The following LRRC4C variants were observed in gnomAD, a reference collection of about 807,000 sequenced individuals.
The protein encoded by LRRC4C is leucine-rich repeat-containing protein 4C.
Under a neutral mutation model 33.6 loss-of-function variants are expected in LRRC4C, and 5 were observed. That is an observed-to-expected ratio of 0.15 (90% confidence interval 0.08 to 0.31). The LOEUF (loss-of-function observed/expected upper bound fraction) is 0.31, where lower values mean the gene tolerates loss of function less well. Among genes scored for constraint, LRRC4C ranks in the 10% least tolerant of loss-of-function variants. The pLI is 1.00. For missense variants in LRRC4C, 560 were observed against 796.7 expected, an observed-to-expected ratio of 0.70 and a Z score of 3.58; for synonymous variants, 329 against 302.0, an observed-to-expected ratio of 1.09 and a Z score of -0.93.
chr11:40,382,371 T>C (rs1192525604), intron 3 of LRRC4C, among the ~76,000 whole-genome samples: 6 of 151,696 alleles, frequency 4.0e-5, no homozygotes, highest in Non-Finnish European at 7.4e-5. Flanking sequence ...AGTCACTTTA[T>C]TGAGGTATAA....
chr11:40,429,218 C>G (rs1330608239), intron 3 of LRRC4C, among the ~76,000 whole-genome samples: 1 of 152,152 alleles, frequency 6.6e-6, no homozygotes, highest in Non-Finnish European at 1.5e-5. Context: ...GGATTACAGG[C>G]ATCTGCCACC....
At chr11:40,498,565 C>T (rs1954586818) in intron 3 of LRRC4C, among the ~76,000 whole-genome samples, 1 of 152,068 alleles carries the variant, frequency 6.6e-6, no homozygotes, top group African/African-American at 2.4e-5. Context: ...CATCTTAGGT[C>T]GATAGCCTTG....
chr11:40,676,263 T>C (rs1944394257), intron 2 of LRRC4C, among the ~76,000 whole-genome samples: 2 of 152,192 alleles, frequency 1.3e-5, no homozygotes, highest in African/African-American at 4.8e-5. Context: ...GATGTGTTTC[T>C]GTAGTTTCTT....
At chr11:40,963,355 A>G (rs568502498) in intron 1 of LRRC4C, among the ~76,000 whole-genome samples, 3 of 151,888 alleles carry the variant, frequency 2.0e-5, no homozygotes, top group Admixed American at 2.0e-4. Flanking sequence ...GGCTACACAT[A>G]TGAACTTAAT....
chr11:40,277,637 T>C (rs1476938620), intron 4 of LRRC4C, among the ~76,000 whole-genome samples: 2 of 152,114 alleles, frequency 1.3e-5, no homozygotes, highest in Non-Finnish European at 2.9e-5. Flanking sequence ...ATAAAACCAC[T>C]GGCTTGACCA....
At chr11:40,322,198 G>A (rs991701495) in intron 3 of LRRC4C, among the ~76,000 whole-genome samples, 2 of 152,120 alleles carry the variant, frequency 1.3e-5, no homozygotes, top group African/African-American at 4.8e-5. Context: ...CTCAATGGTA[G>A]CACTGAATCC....
chr11:41,456,465 C>T (rs1956174568), intron 1 of LRRC4C, among the ~76,000 whole-genome samples: 1 of 151,770 alleles, frequency 6.6e-6, no homozygotes, highest in Admixed American at 6.6e-5. Flanking sequence ...GTGTTAAGTA[C>T]CCTGGGTCTT....
chr11:40,537,785 A>T (rs1439008411), intron 3 of LRRC4C, among the ~76,000 whole-genome samples: 1 of 152,280 alleles, frequency 6.6e-6, no homozygotes, highest in African/African-American at 2.4e-5. Context: ...AAGGAAAGAA[A>T]AAAGGAAAGC....
intron 1 of LRRC4C, among the ~76,000 whole-genome samples, chr11:41,439,655 T>A (rs1400286142): frequency 6.6e-6 from 1 of 152,210 alleles, no homozygotes; most frequent in Non-Finnish European, 1.5e-5. Flanking sequence ...CATTTTTTCA[T>A]ATGTCTGTTA....
At chr11:40,984,419 AAGAAAGAAAGAGAAAAAG>A (rs1565271161) in intron 1 of LRRC4C, among the ~76,000 whole-genome samples, 14 of 116,542 alleles carry the variant, frequency 1.2e-4, no homozygotes, top group South Asian at 7.8e-4. Flanking sequence ...AAGAAAGAGA[AAGAAAGAAAGAGAAAAAG>A]AAAGAAAGAA....
intron 6 of LRRC4C, among the ~76,000 whole-genome samples, chr11:40,122,980 CACACACAT>C (rs755582028): frequency 0.067 from 9,755 of 145,092 alleles, 424 homozygotes; most frequent in Non-Finnish European, 0.09. Context: ...CACACACACA[CACACACAT>C]ATATACTATT....
intron 2 of LRRC4C, among the ~76,000 whole-genome samples, chr11:40,822,768 C>T (rs971981246): frequency 5.3e-5 from 8 of 151,646 alleles, no homozygotes; most frequent in Non-Finnish European, 7.4e-5. Context: ...TAAAGCGCTT[C>T]CCTAATGTTG....
At chr11:40,822,548 T>C (rs1951979777) in intron 2 of LRRC4C, among the ~76,000 whole-genome samples, 1 of 151,732 alleles carries the variant, frequency 6.6e-6, no homozygotes, top group South Asian at 2.1e-4. Context: ...TTGAGTTGTT[T>C]GAGTCTCTTA....
At chr11:41,024,867 G>T (rs532772662) in intron 1 of LRRC4C, among the ~76,000 whole-genome samples, 8 of 151,090 alleles carry the variant, frequency 5.3e-5, no homozygotes, top group African/African-American at 1.7e-4. Context: ...AACACTATGC[G>T]CTCACTTCCT....
chr11:40,398,974 C>A (rs968486081), intron 3 of LRRC4C, among the ~76,000 whole-genome samples: 3 of 151,994 alleles, frequency 2.0e-5, no homozygotes, highest in African/African-American at 7.2e-5. Context: ...TTTAGATAAC[C>A]CTCTAATTAA....
rs1375174688 is a variant in LRRC4C, at chr11:41,102,370, G to A, written c.-495-168647C>T. On this transcript the variant is annotated intron_variant, in intron 1 of 6. Coordinates refer to ENST00000528697, the MANE Select transcript of LRRC4C (RefSeq NM_001258419.2). ...CTTGTCTGGTGGCTTAATTTACACA[G>A]ATAAATAATTTTTTGAAAGAAAAAG... is the stretch of plus-strand genomic sequence containing the variant. Among the ~76,000 whole-genome samples, 8 of 152,090 alleles carry A rather than the reference G, an allele frequency of 5.3e-5. No individual in the cohort carries two copies. The East Asian group carries it at 1.2e-3, about 22-fold the overall frequency.
intron 1 of LRRC4C, among the ~76,000 whole-genome samples, chr11:41,418,662 T>C (rs555080451): frequency 6.6e-6 from 1 of 152,158 alleles, no homozygotes; most frequent in East Asian, 1.9e-4. Flanking sequence ...TAATAACATG[T>C]GAAAAACATG....
chr11:41,424,645 G>A (rs1197956415), intron 1 of LRRC4C, among the ~76,000 whole-genome samples: 1 of 151,986 alleles, frequency 6.6e-6, no homozygotes, highest in South Asian at 2.1e-4. Flanking sequence ...AAAGCAAATC[G>A]AGATTTGACA....
At chr11:40,786,534 A>G (rs1340511313) in intron 2 of LRRC4C, among the ~76,000 whole-genome samples, 1 of 152,208 alleles carries the variant, frequency 6.6e-6, no homozygotes, top group Non-Finnish European at 1.5e-5. Flanking sequence ...ATAAACGTAT[A>G]TCATATACCT....
Sources: allele counts gnomAD v4.1 joint callset (sites outside exome capture counted in the v4.1 genomes callset), GRCh38; gene constraint gnomAD v4.1.1; transcripts MANE v1.5; gene names NCBI Gene and HGNC (gene_info 2026-07-23, HGNC 2026-07-21).